Variants in DNER observed in about 807,000 individuals in gnomAD.
The protein encoded by DNER is delta/notch like EGF repeat containing.
Under a neutral mutation model 78.2 loss-of-function variants are expected in DNER, and 33 were observed. The ratio of observed to expected loss-of-function variants is 0.42; its 90% CI spans 0.32 to 0.56. DNER has a LOEUF of 0.56. DNER is among the 20% of genes least tolerant of loss of function. The pLI is 0.11. For missense variants in DNER, 918 were observed against 975.3 expected, an observed-to-expected ratio of 0.94 and a Z score of 0.78; for synonymous variants, 417 against 384.8, an observed-to-expected ratio of 1.08 and a Z score of -0.98.
intron 4 of DNER, among the ~76,000 whole-genome samples, chr2:229,553,227 C>G (rs2154213396): frequency 6.6e-6 from 1 of 152,328 alleles, no homozygotes; most frequent in East Asian, 1.9e-4. Context: ...TGGCACAAAT[C>G]TGATGAGGTC....
intron 1 of DNER, among the ~76,000 whole-genome samples, chr2:229,708,030 T>A: frequency 6.6e-6 from 1 of 152,216 alleles, no homozygotes; most frequent in Non-Finnish European, 1.5e-5. Flanking sequence ...CAGAGCCAGA[T>A]TCTAACCCAG....
intron 1 of DNER, among the ~76,000 whole-genome samples, chr2:229,684,167 A>AGTGTGTGTGTGT (rs1362937188): frequency 6.8e-5 from 7 of 103,252 alleles, no homozygotes; most frequent in African/African-American, 2.3e-4. Flanking sequence ...AGAGAGAGAG[A>AGTGTGTGTGTGT]GAGTGTGTGT....
At chr2:229,651,761 G>C (rs41519649) in intron 1 of DNER, among the ~76,000 whole-genome samples, 2,488 of 152,266 alleles carry the variant, frequency 0.016, 75 homozygotes, top group African/African-American at 0.057. Context: ...ATAAGTCCCT[G>C]GATTTCAAAA....
chr2:229,467,721 A>T (rs985188695), intron 7 of DNER, among the ~76,000 whole-genome samples: 21 of 152,246 alleles, frequency 1.4e-4, no homozygotes, highest in Admixed American at 1.2e-3. Flanking sequence ...ATCGTAAAGG[A>T]TCTTTGTTGC....
At chr2:229,598,817 C>G (rs1411508610) in intron 1 of DNER, among the ~76,000 whole-genome samples, 1 of 152,100 alleles carries the variant, frequency 6.6e-6, no homozygotes, top group Non-Finnish European at 1.5e-5. Context: ...GGACAAGTTG[C>G]TCACCTGCTC....
chr2:229,550,244 C>T (rs1352856886), intron 4 of DNER, among the ~76,000 whole-genome samples: 2 of 151,810 alleles, frequency 1.3e-5, no homozygotes, highest in African/African-American at 4.8e-5. Flanking sequence ...CCTCCCGCCT[C>T]GGCCTCCCAA....
At chr2:229,559,365 A>G (rs1696913690) in intron 4 of DNER, among the ~76,000 whole-genome samples, 1 of 152,214 alleles carries the variant, frequency 6.6e-6, no homozygotes, top group Admixed American at 6.6e-5. Context: ...GACAGTCATG[A>G]TATAAACAGT....
At chr2:229,541,626 C>A (rs951057914) in intron 5 of DNER, among the ~76,000 whole-genome samples, 1 of 151,934 alleles carries the variant, frequency 6.6e-6, no homozygotes, top group Non-Finnish European at 1.5e-5. Flanking sequence ...AAGCAGATTG[C>A]CCTTCATAAT....
rs777718365 is a variant in DNER at position 229,492,640 on chromosome 2, C to G, written c.1148-15387G>C. On this transcript the variant is annotated intron_variant, in intron 6 of 12. Transcript: ENST00000341772. ...ACAGAGGTGAGTTCTGAGGTTTCTG[C>G]CAGTCTAAAACTCACAACTCATTTT... Among the ~76,000 whole-genome samples, 4 of 151,880 alleles carry G rather than the reference C, an allele frequency of 2.6e-5. No individual in the cohort carries two copies. The East Asian group carries it at 7.7e-4, about 29-fold the overall frequency.
rs531100721 is a variant in DNER at position 229,443,264 on chromosome 2, C to A, written c.1486+4052G>T. On this transcript the variant is annotated intron_variant, in intron 8 of 12. Coordinates refer to ENST00000341772, the MANE Select transcript of DNER (RefSeq NM_139072.4). ...AAACTATCTTCCTTCCTGCCAGGGA[C>A]TCCTTCCAATACCGGTCATGTACAG... Among the ~76,000 whole-genome samples, 6 of 152,290 alleles carry A rather than the reference C, an allele frequency of 3.9e-5. No individual in the cohort carries two copies. The South Asian group carries it at 1.2e-3, about 32-fold the overall frequency.
intron 6 of DNER, among the ~76,000 whole-genome samples, chr2:229,480,649 C>T (rs915719693): frequency 1.3e-5 from 2 of 152,152 alleles, no homozygotes; most frequent in East Asian, 1.9e-4. Flanking sequence ...ATAACAGCTT[C>T]GGGACCTCAC....
chr2:229,615,492 G>A (rs1016590364), intron 1 of DNER, among the ~76,000 whole-genome samples: 10 of 151,704 alleles, frequency 6.6e-5, no homozygotes, highest in Admixed American at 2.0e-4. Context: ...GGTGGATCAC[G>A]AGGTCAGGAG....
In DNER at chr2:229,714,253, A is replaced by AC; in HGVS notation, c.170dup (p.Val58CysfsTer7). The AC allele has an allele frequency of 1.4e-6, 2 of 1,409,676 alleles. No homozygotes were observed. Among genetic ancestry groups the AC allele is most frequent in the South Asian group, 1.5e-5 (1 of 67,416 alleles). 87.3% of individuals were successfully genotyped at this position (1,409,676 alleles called of 1,614,324 possible). Reference sequence around the variant, plus strand: ...CCGGCTCAGGGCGCGAGGTGCACACACCCCCATTCCGGCAGGGCTGCGCGG... The same window carrying AC: ...CCGGCTCAGGGCGCGAGGTGCACACACCCCCCATTCCGGCAGGGCTGCGCGG... On this transcript the variant is annotated frameshift_variant, in exon 1 of 13. Transcript: ENST00000341772. LOFTEE classifies it high-confidence loss of function.
At chr2:229,520,246 G>A (rs903663751) in intron 5 of DNER, among the ~76,000 whole-genome samples, 1 of 152,168 alleles carries the variant, frequency 6.6e-6, no homozygotes, top group Non-Finnish European at 1.5e-5. Context: ...TGATATCCTG[G>A]GTTTGGCTGT....
chr2:229,651,455 C>T (rs947287765), intron 1 of DNER, among the ~76,000 whole-genome samples: 2 of 152,310 alleles, frequency 1.3e-5, no homozygotes, highest in Admixed American at 6.5e-5. Context: ...GCCCTGGAAT[C>T]ACTCTCTTTT....
At chr2:229,664,801 A>C (rs1699061024) in intron 1 of DNER, among the ~76,000 whole-genome samples, 1 of 152,236 alleles carries the variant, frequency 6.6e-6, no homozygotes, top group African/African-American at 2.4e-5. Context: ...TTCTCCAAAG[A>C]TTACTGCATT....
intron 4 of DNER, among the ~76,000 whole-genome samples, chr2:229,551,728 T>C (rs1696741063): frequency 6.6e-6 from 1 of 151,512 alleles, no homozygotes; most frequent in Non-Finnish European, 1.5e-5. Context: ...GGTCAGGAGT[T>C]CAAGACTAGC....
chr2:229,543,655 C>A (rs976588122), intron 5 of DNER, among the ~76,000 whole-genome samples: 11 of 152,160 alleles, frequency 7.2e-5, no homozygotes, highest in African/African-American at 2.7e-4. Flanking sequence ...TCCTCCTCCC[C>A]GAAGGCTCAC....
At chr2:229,569,848 G>C (rs999287295) in intron 4 of DNER, among the ~76,000 whole-genome samples, 2 of 152,180 alleles carry the variant, frequency 1.3e-5, no homozygotes, top group Non-Finnish European at 2.9e-5. Flanking sequence ...ATGTGTGCCT[G>C]TATGTATAAT....
Sources: gnomAD v4.1 joint callset for allele counts (sites outside exome capture counted in the v4.1 genomes callset) on GRCh38, gnomAD v4.1.1 for gene constraint, MANE v1.5 for transcripts, NCBI Gene and HGNC (gene_info 2026-07-23, HGNC 2026-07-21) for gene names.